The following RNASE13 variants were observed in gnomAD, a reference collection of about 807,000 sequenced individuals.
The protein encoded by RNASE13 is probable inactive ribonuclease-like protein 13.
For synonymous variants in RNASE13, 67 were observed against 71.6 expected, an observed-to-expected ratio of 0.94 and a Z score of 0.32; for missense variants, 188 against 192.8, an observed-to-expected ratio of 0.98 and a Z score of 0.15.
Position 21,033,072 on chromosome 14 carries a change from G to A in RNASE13, c.*746C>T, listed in dbSNP as rs748784682. 7 of 445,558 alleles carry A rather than the reference G, an allele frequency of 1.6e-5. 1 individual carries two copies. Among genetic ancestry groups the A allele is most frequent in the South Asian group, 1.1e-4 (7 of 62,710 alleles). 27.6% of individuals were successfully genotyped at this position (445,558 alleles called of 1,614,324 possible). ...AAGAGAAGGGAAGCAGGAACCTCTG[G>A]GGAATGGGTGAGAGAAGATACCTTG... On this transcript the variant is annotated 3_prime_UTR_variant, in exon 2 of 2. Transcript: ENST00000382951.
Position 21,034,107 on chromosome 14 carries a change from C to T in RNASE13, c.182G>A (p.Gly61Asp). 3 of 1,614,178 alleles carry T rather than the reference C, an allele frequency of 1.9e-6. No individual in the cohort carries two copies. Among genetic ancestry groups the T allele is most frequent in the Non-Finnish European group, 2.5e-6 (3 of 1,180,032 alleles). The part of the protein sequence containing the change: ...YCNGLMSYMR[G>D]KMQNSDCPKI... ...TGGGCAATCTGAATTTTGCATCTTG[C>T]CTCGCATATAGGACATCAGACCATT... is the stretch of plus-strand genomic sequence containing the variant. The change falls in exon 2 of 2, where the codon GGC (glycine) becomes GAC (aspartate). Residue 61 changes from glycine (G) to aspartate (D), a missense_variant. Physicochemically the swap from Gly to Asp is moderately conservative, Grantham distance 94 (BLOSUM62 -1). Coordinates refer to ENST00000382951, the MANE Select transcript of RNASE13 (RefSeq NM_001012264.4).
chr14:21,032,860 C>T lies in RNASE13; in HGVS notation c.*958G>A, dbSNP rs1884321195. 4.6e-6 allele frequency: 2 copies of T among 439,446 alleles called. No homozygotes were observed. The highest frequency in any genetic ancestry group is 2.6e-5 in the Admixed American group (1 of 38,930). 27.2% of individuals were successfully genotyped at this position (439,446 alleles called of 1,614,324 possible). ...TTATTTTGAATTGATTATGGGTTGA[C>T]AGGAAGTTACAAAAAATGGTACAGA... is the stretch of plus-strand genomic sequence containing the variant. On this transcript the variant is annotated 3_prime_UTR_variant, in exon 2 of 2. Transcript: ENST00000382951.
At position 21,033,952 on chromosome 14, in the gene RNASE13, A is replaced by T; in HGVS notation, c.337T>A (p.Ser113Thr). 2 of 1,613,940 alleles carry T rather than the reference A, an allele frequency of 1.2e-6. No homozygotes were observed. Among genetic ancestry groups the T allele is most frequent in the Non-Finnish European group, 1.7e-6 (2 of 1,179,912 alleles). ...GTGGGTGGCTGTTGGTGGCTCAGGG[A>T]GCAGACCGTGATGGGGAGGGAATCC... ...TQDSLPITVC[S>T]LSHQQPPTSC... is the part of the protein sequence containing the mutation. Residue 113 changes from serine to threonine, a missense_variant, in exon 2 of 2, where the codon TCC becomes ACC. Transcript: ENST00000382951.
rs1305206976 is a variant in RNASE13 at position 21,033,200 on chromosome 14, G to A, written c.*618C>T. The A allele has an allele frequency of 5.7e-6, 2 of 353,034 alleles. No individual in the cohort carries two copies. Among genetic ancestry groups the A allele is most frequent in the African/African-American group, 4.3e-5 (2 of 46,466 alleles). 21.9% of individuals were successfully genotyped at this position (353,034 alleles called of 1,614,324 possible). A position where few individuals can be genotyped will look rare whatever the true frequency, so the allele number is the denominator to read the frequency against. Reference sequence around the variant, plus strand: ...GGGAGTGTGGGGGAGACAGTCCTAGGCTCCATGGTAAGAGGAAGCAGGAGA... The same window carrying A: ...GGGAGTGTGGGGGAGACAGTCCTAGACTCCATGGTAAGAGGAAGCAGGAGA... On this transcript the variant is annotated 3_prime_UTR_variant, in exon 2 of 2. Coordinates refer to ENST00000382951, the MANE Select transcript of RNASE13 (RefSeq NM_001012264.4).
Position 21,033,259 on chromosome 14 carries a change from A to G in RNASE13, c.*559T>C. 3.1e-6 allele frequency: 1 copy of G among 318,842 alleles called. No homozygotes were observed. Among genetic ancestry groups the G allele is most frequent in the Non-Finnish European group, 6.0e-6 (1 of 165,558 alleles). 19.8% of individuals were successfully genotyped at this position (318,842 alleles called of 1,614,324 possible). A position where few individuals can be genotyped will look rare whatever the true frequency, so the allele number is the denominator to read the frequency against. ...ATATGAAGGGAGAAACCATGATTTC[A>G]CAGAGAGAAGCAGGCTGGAAACTGG... On this transcript the variant is annotated 3_prime_UTR_variant, in exon 2 of 2. Transcript: ENST00000382951.
At position 21,033,857 on chromosome 14, in the gene RNASE13, A is replaced by G. The variant is rs776353982; in HGVS notation, c.432T>C (p.Ala144=). 1 of 1,613,984 alleles carries G rather than the reference A, an allele frequency of 6.2e-7. No individual in the cohort carries two copies. The highest frequency in any genetic ancestry group is 2.2e-5 in the East Asian group (1 of 44,874). The change falls in exon 2 of 2, where the codon GCT becomes GCC. Residue 144 remains alanine (A), a synonymous_variant. Transcript: ENST00000382951. ...LYLLCSRKYE[A]DPIGIAGLYS... is the part of the protein sequence containing the mutation. ...AGAGACCAGCGATACCTATTGGATC[A>G]GCTTCATACTTGCGGGAGCAGAGTA...
In RNASE13 at chr14:21,033,741, T is replaced by A. The variant is rs745801293; in HGVS notation, c.*77A>T. 7 of 1,024,544 alleles carry A rather than the reference T, an allele frequency of 6.8e-6. No individual in the cohort carries two copies. The African/African-American group carries it at 1.1e-4, about 16-fold the overall frequency. The allele number at this position is 1,024,544 out of a possible 1,614,324, so 63.5% of individuals were successfully genotyped here. On this transcript the variant is annotated 3_prime_UTR_variant, in exon 2 of 2. Transcript: ENST00000382951. ...CCTGCCTCGTAAGTCAGGAAGGAAG[T>A]CTTGTTACAGGGATCAGAGTGTTGG... is the stretch of plus-strand genomic sequence containing the variant.
rs776919127 is a variant in RNASE13 at position 21,034,188 on chromosome 14, G to A, written c.101C>T (p.Thr34Ile). ...AACCCTGGGATAGTCAATGCTTAAG[G>A]TATAGAAGTTCCTGCTGCCAATCTG... ...KMQIGSRNFY[T>I]LSIDYPRVNY... The change falls in exon 2 of 2, where the codon ACC (threonine) becomes ATC (isoleucine). Residue 34 changes from threonine (T) to isoleucine (I), a missense_variant. Coordinates refer to ENST00000382951, the MANE Select transcript of RNASE13 (RefSeq NM_001012264.4). The A allele has an allele frequency of 5.6e-6, 9 of 1,614,052 alleles. No individual in the cohort carries two copies. Among genetic ancestry groups the A allele is most frequent in the Non-Finnish European group, 7.6e-6 (9 of 1,179,938 alleles).
At chr14:21,034,422 A>C in intron 1 of RNASE13, 126 bp from the exon 2 acceptor site, 29 of 681,068 alleles carry the variant, frequency 4.3e-5, no homozygotes, top group Non-Finnish European at 6.2e-5. Context: ...CCAAGTTCTC[A>C]TGACCCAGAA....
rs1476186287 is a variant in RNASE13, at chr14:21,034,179, A to G, written c.110T>C (p.Ile37Thr). 7.4e-6 allele frequency: 12 copies of G among 1,613,908 alleles called. No individual in the cohort carries two copies. In the South Asian group the frequency reaches 8.8e-5, roughly 12 times the overall value. ...TGGGTAGTTAACCCTGGGATAGTCA[A>G]TGCTTAAGGTATAGAAGTTCCTGCT... ...IGSRNFYTLSIDYPRVNYPKG... is the reference protein window; with the variant it reads ...IGSRNFYTLSTDYPRVNYPKG... The change falls in exon 2 of 2, where the codon ATT becomes ACT. Residue 37 changes from isoleucine to threonine, a missense_variant. Transcript: ENST00000382951.
intron 1 of RNASE13, among the ~76,000 whole-genome samples, 162 bp downstream of exon 1, chr14:21,034,494 C>T (rs1335003638): frequency 6.6e-6 from 1 of 152,214 alleles, no homozygotes; most frequent in South Asian, 2.1e-4. Flanking sequence ...CCCTGCTCCC[C>T]TGGTCCACCA....
chr14:21,034,122 A>C lies in RNASE13; in HGVS notation c.167T>G (p.Met56Arg). 1 of 1,614,242 alleles carries C rather than the reference A, an allele frequency of 6.2e-7. No homozygotes were observed. The highest frequency in any genetic ancestry group is 8.5e-7 in the Non-Finnish European group (1 of 1,180,036). ...KGFRGYCNGL[M>R]SYMRGKMQNS... ...TTGCATCTTGCCTCGCATATAGGAC[A>C]TCAGACCATTACAATAGCCCCGGAA... The change falls in exon 2 of 2, where the codon ATG (methionine) becomes AGG (arginine). Residue 56 changes from methionine to arginine, a missense_variant. Met to Arg is a moderately conservative substitution (Grantham distance 91, BLOSUM62 -1). Transcript: ENST00000382951.
rs1463029199 is a variant in RNASE13, at chr14:21,034,131, T to C, written c.158A>G (p.Asn53Ser). ...NYPKGFRGYCNGLMSYMRGKM... is the reference protein window; with the variant it reads ...NYPKGFRGYCSGLMSYMRGKM... Reference sequence around the variant, plus strand: ...GCCTCGCATATAGGACATCAGACCATTACAATAGCCCCGGAAACCCTTTGG... The same window carrying C: ...GCCTCGCATATAGGACATCAGACCACTACAATAGCCCCGGAAACCCTTTGG... The change falls in exon 2 of 2, where the codon AAT becomes AGT. Residue 53 changes from asparagine (N) to serine (S), a missense_variant. Asn to Ser is a conservative substitution (Grantham distance 46). Coordinates refer to ENST00000382951, the MANE Select transcript of RNASE13 (RefSeq NM_001012264.4). The C allele has an allele frequency of 6.2e-7, 1 of 1,614,160 alleles. No individual in the cohort carries two copies. Among genetic ancestry groups the C allele is most frequent in the South Asian group, 1.1e-5 (1 of 91,082 alleles).
rs765214875 is a variant in RNASE13 at position 21,033,841 on chromosome 14, C to T, written c.448G>A (p.Ala150Thr). Residue 150 changes from alanine to threonine, a missense_variant, in exon 2 of 2, where the codon GCT becomes ACT. Transcript: ENST00000382951. ...AATTAAATTCCCGAATAGAGACCAG[C>T]GATACCTATTGGATCAGCTTCATAC... The part of the protein sequence containing the change: ...RKYEADPIGI[A>T]GLYSGI 2.9e-5 allele frequency: 46 copies of T among 1,612,176 alleles called. No homozygotes were observed. In the East Asian group the frequency reaches 3.6e-4, roughly 12 times the overall value.
chr14:21,033,489 A>T lies in RNASE13; in HGVS notation c.*329T>A. 1 of 377,274 alleles carries T rather than the reference A, an allele frequency of 2.7e-6. No individual in the cohort carries two copies. Among genetic ancestry groups the T allele is most frequent in the Non-Finnish European group, 5.0e-6 (1 of 201,266 alleles). The allele number at this position is 377,274 out of a possible 1,614,324, so 23.4% of individuals were successfully genotyped here. The stretch of plus-strand genomic sequence containing the variant: ...GTGTGAGCTGAGGCCCTGGGCCTCC[A>T]TCCAGGACTTAGGATCTGGCCCAGT... On this transcript the variant is annotated 3_prime_UTR_variant, in exon 2 of 2. Transcript: ENST00000382951.
intron 1 of RNASE13, 82 bp from the exon 2 acceptor site, chr14:21,034,378 C>A (rs962041277): frequency 1.1e-6 from 1 of 892,134 alleles, no homozygotes; most frequent in South Asian, 1.6e-5. Context: ...GCATTCCCAA[C>A]CCAACAGTAC....
chr14:21,034,182 C>T lies in RNASE13; in HGVS notation c.107G>A (p.Ser36Asn), dbSNP rs549619794. ...QIGSRNFYTL[S>N]IDYPRVNYPK... ...GTAGTTAACCCTGGGATAGTCAATG[C>T]TTAAGGTATAGAAGTTCCTGCTGCC... Residue 36 changes from serine (S) to asparagine (N), a missense_variant, in exon 2 of 2, where the codon AGC (serine) becomes AAC (asparagine). By Grantham distance (46) the Ser-to-Asn change is conservative (BLOSUM62 1). Transcript: ENST00000382951. 3 of 1,614,066 alleles carry T rather than the reference C, an allele frequency of 1.9e-6. No individual in the cohort carries two copies. Among genetic ancestry groups the T allele is most frequent in the South Asian group, 2.2e-5 (2 of 91,078 alleles).
At chr14:21,034,573 T>TGAGAGACTCTTCCCAAGAGTCCTTGGGC (rs1884491446) in intron 1 of RNASE13, 83 bp downstream of exon 1, 2 of 375,592 alleles carry the variant, frequency 5.3e-6, no homozygotes, top group African/African-American at 4.1e-5. Flanking sequence ...GGTCCTTGGG[T>TGAGAGACTCTTCCCAAGAGTCCTTGGGC]GAGAGACTCT....
Position 21,033,791 on chromosome 14 carries a change from G to C in RNASE13, c.*27C>G. On this transcript the variant is annotated 3_prime_UTR_variant, in exon 2 of 2. Transcript: ENST00000382951. ...GAAATGGAGACAGCTGGCCTGTGGTGGTAGAGGTTGGGGAGTGGCTCAGGA... is the reference window on the plus strand; with the variant it reads ...GAAATGGAGACAGCTGGCCTGTGGTCGTAGAGGTTGGGGAGTGGCTCAGGA... 1.5e-6 allele frequency: 2 copies of C among 1,373,240 alleles called. No individual in the cohort carries two copies. Among genetic ancestry groups the C allele is most frequent in the Non-Finnish European group, 2.1e-6 (2 of 960,206 alleles). The allele number at this position is 1,373,240 out of a possible 1,614,324, so 85.1% of individuals were successfully genotyped here. A position where few individuals can be genotyped will look rare whatever the true frequency, so the allele number is the denominator to read the frequency against.
Sources: allele counts gnomAD v4.1 joint callset (sites outside exome capture counted in the v4.1 genomes callset), GRCh38; gene constraint gnomAD v4.1.1; transcripts MANE v1.5; gene names NCBI Gene and HGNC (gene_info 2026-07-23, HGNC 2026-07-21).